The following NEDD9 variants were observed in gnomAD, a reference collection of about 807,000 sequenced individuals.
The protein encoded by NEDD9 is enhancer of filamentation 1.
In NEDD9, 26 loss-of-function variants were observed where a neutral mutation model predicts 76.6. The ratio of observed to expected loss-of-function variants is 0.34; its 90% confidence interval spans 0.25 to 0.47. The LOEUF is 0.47. NEDD9 is among the 20% of genes least tolerant of loss of function. The pLI, the probability that NEDD9 is intolerant of heterozygous loss-of-function variation, is 1.00. For missense variants in NEDD9, 937 were observed against 1,058.5 expected, an observed-to-expected ratio of 0.89 and a Z score of 1.59; for synonymous variants, 392 against 414.2, an observed-to-expected ratio of 0.95 and a Z score of 0.65.
At chr6:11,237,187 T>C (rs988661503), upstream of NEDD9, among the ~76,000 whole-genome samples, 2 of 152,188 alleles carry the variant, frequency 1.3e-5, no homozygotes, top group South Asian at 4.1e-4. The surrounding 1 kb of genome is among the most constrained non-coding windows in gnomAD (Gnocchi z 4.9). Flanking sequence ...GGCCCTATTA[T>C]AAGGGCTTTC....
At chr6:11,356,009 C>A (rs763111928) in intron 1 of NEDD9, among the ~76,000 whole-genome samples, 4 of 152,180 alleles carry the variant, frequency 2.6e-5, no homozygotes, top group East Asian at 1.9e-4. Flanking sequence ...GCGTGAGCCA[C>A]CATGCCCGGC....
chr6:11,211,174 T>C (rs1183984229), intron 2 of NEDD9, among the ~76,000 whole-genome samples: 1 of 151,938 alleles, frequency 6.6e-6, no homozygotes. Flanking sequence ...AAACAAAACA[T>C]GGAATGTGAG....
At chr6:11,261,082 T>A (rs1315861831) in intron 3 of NEDD9, among the ~76,000 whole-genome samples, 1 of 152,192 alleles carries the variant, frequency 6.6e-6, no homozygotes, top group Non-Finnish European at 1.5e-5. Context: ...TGGCACAAGA[T>A]GTTTTGTGGC....
At chr6:11,299,312 G>A (rs1760981492) in intron 3 of NEDD9, among the ~76,000 whole-genome samples, 1 of 152,188 alleles carries the variant, frequency 6.6e-6, no homozygotes, top group South Asian at 2.1e-4. Flanking sequence ...GCTGAGGCTT[G>A]AGTAAACAAA....
intron 1 of NEDD9, among the ~76,000 whole-genome samples, chr6:11,355,936 T>G (rs556709879): frequency 2.0e-5 from 3 of 152,122 alleles, no homozygotes; most frequent in Admixed American, 6.5e-5. Context: ...TTAGCCAGGA[T>G]GGTCTCGATC....
intron 3 of NEDD9, among the ~76,000 whole-genome samples, chr6:11,260,492 A>G (rs1760087430): frequency 6.6e-6 from 1 of 152,236 alleles, no homozygotes; most frequent in African/African-American, 2.4e-5. Context: ...ATGTTGTCAC[A>G]ATAGACAGAG....
At chr6:11,310,151 G>A (rs769952851) in intron 2 of NEDD9, among the ~76,000 whole-genome samples, 1 of 152,158 alleles carries the variant, frequency 6.6e-6, no homozygotes, top group Non-Finnish European at 1.5e-5. Flanking sequence ...CTGCAGAGGA[G>A]GGAGACCATC....
At chr6:11,220,848 G>C (rs1404562855) in intron 1 of NEDD9, among the ~76,000 whole-genome samples, 1 of 152,172 alleles carries the variant, frequency 6.6e-6, no homozygotes, top group Non-Finnish European at 1.5e-5. Context: ...ATCTATTCTT[G>C]CTTGATTTAG....
At chr6:11,338,992 C>A (rs960018396) in intron 1 of NEDD9, among the ~76,000 whole-genome samples, 2 of 150,718 alleles carry the variant, frequency 1.3e-5, no homozygotes, top group African/African-American at 4.9e-5. Flanking sequence ...TTTTTTCAAC[C>A]GAGAAATAAA....
intron 1 of NEDD9, chr6:11,214,353 A>C (rs2113760935): frequency 2.9e-6 from 1 of 348,652 alleles, no homozygotes; most frequent in East Asian, 7.9e-5. Context: ...ATAGGCCAGC[A>C]GCCATATACA....
At chr6:11,249,721 G>A (rs1759877351) in intron 3 of NEDD9, among the ~76,000 whole-genome samples, 1 of 152,198 alleles carries the variant, frequency 6.6e-6, no homozygotes, top group South Asian at 2.1e-4. Context: ...ATAACTGTTT[G>A]ATAAATGTAC....
intron 2 of NEDD9, among the ~76,000 whole-genome samples, chr6:11,321,947 C>G (rs1761816412): frequency 6.6e-6 from 1 of 152,118 alleles, no homozygotes; most frequent in Non-Finnish European, 1.5e-5. Context: ...CAACGAGAGA[C>G]TGGATAAAGA....
At chr6:11,312,708 ATATT>A (rs1761411790) in intron 2 of NEDD9, among the ~76,000 whole-genome samples, 2 of 146,018 alleles carry the variant, frequency 1.4e-5, no homozygotes, top group Admixed American at 1.4e-4. Flanking sequence ...ATATATATAT[ATATT>A]TTTAAAGAGT....
At chr6:11,232,019 A>C (rs75058358) in intron 1 of NEDD9, among the ~76,000 whole-genome samples, 3,100 of 152,318 alleles carry the variant, frequency 0.02, 48 homozygotes, top group Non-Finnish European at 0.034. Context: ...CCAAAAGTGC[A>C]TATGGCATAC....
chr6:11,269,659 G>T (rs544803189), intron 3 of NEDD9, among the ~76,000 whole-genome samples: 25 of 152,088 alleles, frequency 1.6e-4, no homozygotes, highest in Non-Finnish European at 3.2e-4. Context: ...TTTCTGGGTT[G>T]TTTCGGTCTG....
intron 2 of NEDD9, among the ~76,000 whole-genome samples, chr6:11,326,740 G>A (rs1761936714): frequency 6.6e-6 from 1 of 152,230 alleles, no homozygotes; most frequent in Admixed American, 6.5e-5. Flanking sequence ...GCAAGGCCCT[G>A]GGCTTGCCTG....
intron 1 of NEDD9, among the ~76,000 whole-genome samples, chr6:11,224,973 C>A (rs1450977654): frequency 1.3e-5 from 2 of 152,280 alleles, no homozygotes; most frequent in African/African-American, 4.8e-5. Flanking sequence ...ACATGAATGA[C>A]ATATACTATC....
chr6:11,227,582 GC>G (rs780522578), intron 1 of NEDD9, among the ~76,000 whole-genome samples: 15 of 152,024 alleles, frequency 9.9e-5, no homozygotes, highest in Non-Finnish European at 1.9e-4. Context: ...CCAAGTCTTG[GC>G]CCCCTCAAAA....
chr6:11,285,646 G>C (rs1237307254), intron 3 of NEDD9, among the ~76,000 whole-genome samples: 1 of 152,114 alleles, frequency 6.6e-6, no homozygotes, highest in African/African-American at 2.4e-5. Context: ...TACTAATCAA[G>C]ACAATGTGAT....
Sources: gnomAD v4.1 joint callset for allele counts (sites outside exome capture counted in the v4.1 genomes callset) on GRCh38, gnomAD v4.1.1 for gene constraint, Gnocchi (gnomAD v3.1) non-coding constraint, MANE v1.5 for transcripts, NCBI Gene and HGNC (gene_info 2026-07-23, HGNC 2026-07-21) for gene names.